The following FAM78B variants were observed in gnomAD, a reference collection of about 807,000 sequenced individuals.
The protein encoded by FAM78B is family with sequence similarity 78 member B.
FAM78B carries 10 observed loss-of-function variants against 20.0 expected under a neutral mutation model. That is an observed-to-expected ratio of 0.50 (90% confidence interval 0.31 to 0.85). The LOEUF (loss-of-function observed/expected upper bound fraction) is 0.85. Ranked by LOEUF, FAM78B falls within the 40% of genes least tolerant of loss-of-function variation. The pLI, the probability that FAM78B is intolerant of heterozygous loss-of-function variation, is 0.05. For missense variants in FAM78B, 283 were observed against 345.0 expected, an observed-to-expected ratio of 0.82 and a Z score of 1.42; for synonymous variants, 135 against 132.8, an observed-to-expected ratio of 1.02 and a Z score of -0.12.
intron 1 of FAM78B, among the ~76,000 whole-genome samples, chr1:166,088,954 C>A (rs530409011): frequency 6.6e-6 from 1 of 152,348 alleles, no homozygotes; most frequent in Non-Finnish European, 1.5e-5. Context: ...ACCACACTCC[C>A]CCATGCTCTC....
chr1:166,158,758 G>T lies in FAM78B; in HGVS notation c.263+7228C>A, dbSNP rs1375920207. 2.6e-5 allele frequency among the ~76,000 whole-genome samples: 4 copies of T among 152,196 alleles called. No homozygotes were observed. The South Asian group carries it at 8.3e-4, about 32-fold the overall frequency. On this transcript the variant is annotated intron_variant, in intron 1 of 1. Coordinates refer to ENST00000354422, the MANE Select transcript of FAM78B (RefSeq NM_001017961.5). ...ACTTGCCTGATGACTCTGCCTCTGT[G>T]GGGGAATATCCCACTCTGTGGGCAG...
intron 1 of FAM78B, among the ~76,000 whole-genome samples, chr1:166,073,221 T>C (rs1440954507): frequency 6.6e-6 from 1 of 152,186 alleles, no homozygotes. Context: ...TCATTGGGAA[T>C]AGTGACATTG....
rs543514603 is a variant in FAM78B, at chr1:166,120,875, G to A, written c.263+45111C>T. On this transcript the variant is annotated intron_variant, in intron 1 of 1. Coordinates refer to ENST00000354422, the MANE Select transcript of FAM78B (RefSeq NM_001017961.5). ...CATATCCGCCAACACCATTTGTCTT[G>A]TTCTTTACAGCTAAGTTTCCAACAC... 1.1e-4 allele frequency among the ~76,000 whole-genome samples: 16 copies of A among 152,354 alleles called. No individual in the cohort carries two copies. In the South Asian group the frequency reaches 2.7e-3, roughly 26 times the overall value.
chr1:166,106,349 TAAAAA>T (rs200794576), intron 1 of FAM78B, among the ~76,000 whole-genome samples: 1 of 139,784 alleles, frequency 7.2e-6, no homozygotes, highest in African/African-American at 2.7e-5. Flanking sequence ...AAAACTTAAA[TAAAAA>T]AAAAAGAAAA....
intron 1 of FAM78B, among the ~76,000 whole-genome samples, chr1:166,150,652 A>G: frequency 6.6e-6 from 1 of 152,324 alleles, no homozygotes; most frequent in Non-Finnish European, 1.5e-5. Flanking sequence ...AAATTTCAAC[A>G]CAAATTTCAT....
At chr1:166,103,946 A>T (rs1653654298) in intron 1 of FAM78B, among the ~76,000 whole-genome samples, 1 of 152,220 alleles carries the variant, frequency 6.6e-6, no homozygotes, top group African/African-American at 2.4e-5. Context: ...TTGATGCAAA[A>T]ATCCTCAATA....
intron 1 of FAM78B, among the ~76,000 whole-genome samples, chr1:166,165,692 A>G (rs987838449): frequency 4.6e-5 from 7 of 150,546 alleles, no homozygotes; most frequent in African/African-American, 1.7e-4. Flanking sequence ...AGCCATCCCC[A>G]CCTCCGCCTC....
intron 1 of FAM78B, among the ~76,000 whole-genome samples, chr1:166,160,882 A>T (rs1336638373): frequency 6.6e-6 from 1 of 152,252 alleles, no homozygotes; most frequent in Non-Finnish European, 1.5e-5. Context: ...TAGTAATGGT[A>T]ACCAGTATAA....
intron 1 of FAM78B, among the ~76,000 whole-genome samples, chr1:166,162,002 C>T (rs1257789433): frequency 1.3e-5 from 2 of 152,070 alleles, no homozygotes; most frequent in African/African-American, 2.4e-5. Flanking sequence ...AGAAAAAAGT[C>T]CCATTAACTG....
chr1:166,066,532 A>G (rs780239817), downstream of FAM78B, among the ~76,000 whole-genome samples: 1 of 152,150 alleles, frequency 6.6e-6, no homozygotes, highest in Non-Finnish European at 1.5e-5. Context: ...CCCCATTTCA[A>G]TCCTGGCTCC....
At chr1:166,100,185 TGGAAATCTA>T (rs1653454458) in intron 1 of FAM78B, among the ~76,000 whole-genome samples, 1 of 152,162 alleles carries the variant, frequency 6.6e-6, no homozygotes, top group Admixed American at 6.5e-5. Flanking sequence ...AAAATCAAGA[TGGAAATCTA>T]AAAATTCTTT....
At chr1:166,151,927 T>C (rs753333075) in intron 1 of FAM78B, among the ~76,000 whole-genome samples, 2 of 152,144 alleles carry the variant, frequency 1.3e-5, no homozygotes, top group Non-Finnish European at 2.9e-5. Flanking sequence ...GTACTTAACT[T>C]TACCCCGGGC....
At chr1:166,100,950 G>C (rs921576954) in intron 1 of FAM78B, among the ~76,000 whole-genome samples, 1 of 152,210 alleles carries the variant, frequency 6.6e-6, no homozygotes, top group Admixed American at 6.5e-5. Context: ...CCCAGTAGGG[G>C]CAAACTGACA....
At chr1:166,163,787 A>T (rs1393545608) in intron 1 of FAM78B, among the ~76,000 whole-genome samples, 8 of 152,270 alleles carry the variant, frequency 5.3e-5, no homozygotes. Context: ...GCAACCATGA[A>T]GAAACAGGTA....
At chr1:166,139,796 C>T (rs752496014) in intron 1 of FAM78B, among the ~76,000 whole-genome samples, 3 of 152,196 alleles carry the variant, frequency 2.0e-5, no homozygotes, top group Non-Finnish European at 2.9e-5. Context: ...AGAAACAGCA[C>T]AGTATGGTCT....
rs114144092 is a variant in FAM78B at position 166,153,560 on chromosome 1, C to G, written c.263+12426G>C. 2.0e-3 allele frequency among the ~76,000 whole-genome samples: 301 copies of G among 152,116 alleles called. 3 individuals carry two copies. The highest frequency in any genetic ancestry group is 3.7e-3 in the Non-Finnish European group (254 of 67,988). On this transcript the variant is annotated intron_variant, in intron 1 of 1. Coordinates refer to ENST00000354422, the MANE Select transcript of FAM78B (RefSeq NM_001017961.5). ...GGCAGGCAGGACAACAGTGAAGGGT[C>G]CACATAGCCCAAGAAACATGAGGAT...
At chr1:166,092,032 ATTTTTTTTT>A (rs11286787) in intron 1 of FAM78B, among the ~76,000 whole-genome samples, 1 of 126,010 alleles carries the variant, frequency 7.9e-6, no homozygotes, top group African/African-American at 3.0e-5. Flanking sequence ...TTGAGCCATC[ATTTTTTTTT>A]TTTTTTTTTG....
intron 1 of FAM78B, among the ~76,000 whole-genome samples, chr1:166,091,656 C>T (rs981334293): frequency 6.6e-6 from 1 of 152,268 alleles, no homozygotes; most frequent in African/African-American, 2.4e-5. Flanking sequence ...TTTACTGGTC[C>T]TGCCACCTGA....
At chr1:166,118,979 C>T (rs1406523994) in intron 1 of FAM78B, among the ~76,000 whole-genome samples, 1 of 152,140 alleles carries the variant, frequency 6.6e-6, no homozygotes, top group Non-Finnish European at 1.5e-5. Context: ...GGCCCAGGGT[C>T]ACTACGCCTG....
Sources: allele counts gnomAD v4.1 joint callset (sites outside exome capture counted in the v4.1 genomes callset), GRCh38; gene constraint gnomAD v4.1.1; transcripts MANE v1.5; gene names NCBI Gene and HGNC (gene_info 2026-07-23, HGNC 2026-07-21).